The following GPHN variants were observed in gnomAD, a reference collection of about 807,000 sequenced individuals.
GPHN encodes the protein gephyrin.
In GPHN, 17 loss-of-function variants were observed where a neutral mutation model predicts 95.5. The ratio of observed to expected loss-of-function variants is 0.18; its 90% confidence interval spans 0.12 to 0.27. GPHN has a LOEUF of 0.27. Ranked by LOEUF, GPHN falls within the 10% of genes least tolerant of loss-of-function variation. The pLI is 1.00. For missense variants in GPHN, 660 were observed against 978.1 expected (o/e 0.67, Z 4.34); for synonymous variants, 320 against 322.5 (o/e 0.99, Z 0.08).
At chr14:66,963,165 A>G (rs2069072075) in intron 8 of GPHN, among the ~76,000 whole-genome samples, 1 of 151,916 alleles carries the variant, frequency 6.6e-6, no homozygotes, top group South Asian at 2.1e-4. Flanking sequence ...ATATGTCCTA[A>G]CTTTTTCCTG....
chr14:66,848,631 A>G (rs1482838681), intron 4 of GPHN, among the ~76,000 whole-genome samples: 4 of 151,932 alleles, frequency 2.6e-5, no homozygotes, highest in Non-Finnish European at 2.9e-5. Flanking sequence ...TGACCTTTTT[A>G]TTGTGAAATG....
chr14:67,278,209 G>C, the GPHN span, among the ~76,000 whole-genome samples: 1 of 151,998 alleles, frequency 6.6e-6, no homozygotes, highest in East Asian at 1.9e-4. Flanking sequence ...GCTAGTTTTT[G>C]TATTTTTCTT....
intron 11 of GPHN, among the ~76,000 whole-genome samples, chr14:67,072,370 G>A (rs2076344534): frequency 1.3e-5 from 2 of 152,018 alleles, no homozygotes; most frequent in South Asian, 4.1e-4. Context: ...GACAGTAAAG[G>A]ATTTGCCAGT....
intron 4 of GPHN, among the ~76,000 whole-genome samples, chr14:66,825,643 G>A (rs1416683349): frequency 2.0e-5 from 3 of 152,086 alleles, no homozygotes; most frequent in African/African-American, 4.8e-5. Flanking sequence ...TTCACTATAT[G>A]AAAATGCAAT....
At position 67,074,736 on chromosome 14, in the gene GPHN, A is replaced by G. The variant is rs1336898134; in HGVS notation, c.1145-14247A>G. On this transcript the variant is annotated intron_variant, in intron 11 of 22. Coordinates refer to ENST00000478722, the MANE Select transcript of GPHN (RefSeq NM_020806.5). ...GGAAAAGTTCTTTAAGGAAATTAAA[A>G]GTGCAGTAGACCAACATTCCCTTAA... Among the ~76,000 whole-genome samples the G allele has an allele frequency of 2.6e-5, 4 of 152,170 alleles. No homozygotes were observed. In the South Asian group the frequency reaches 8.3e-4, roughly 32 times the overall value.
At chr14:66,651,528 T>G (rs568603514) in intron 1 of GPHN, among the ~76,000 whole-genome samples, 10 of 152,288 alleles carry the variant, frequency 6.6e-5, no homozygotes, top group African/African-American at 2.4e-4. Flanking sequence ...AGGAATGGAT[T>G]TGTGACCCAT....
the GPHN span, among the ~76,000 whole-genome samples, chr14:67,572,641 T>C: frequency 6.6e-6 from 1 of 152,176 alleles, no homozygotes; most frequent in Non-Finnish European, 1.5e-5. Context: ...GTGCTCAGTT[T>C]CCAGGCATTG....
intron 1 of GPHN, among the ~76,000 whole-genome samples, chr14:66,586,305 G>C (rs1264447516): frequency 6.6e-6 from 1 of 151,844 alleles, no homozygotes; most frequent in Non-Finnish European, 1.5e-5. Flanking sequence ...TGGATTTCCT[G>C]AATACAGCAC....
At chr14:67,536,972 G>A in the GPHN span, among the ~76,000 whole-genome samples, 2 of 151,104 alleles carry the variant, frequency 1.3e-5, no homozygotes, top group Non-Finnish European at 2.9e-5. Context: ...CCTGAGAGGC[G>A]GAGGTTGCAG....
At chr14:67,333,366 C>T in the GPHN span, 1 of 154,684 alleles carries the variant, frequency 6.5e-6, no homozygotes, top group Admixed American at 6.4e-5. Context: ...ACTTAAATGA[C>T]TTCATTGGGA....
the GPHN span, chr14:67,390,817 T>TA: frequency 3.7e-6 from 4 of 1,084,638 alleles, no homozygotes; most frequent in Admixed American, 6.7e-5. Context: ...TCTATGCATG[T>TA]AATGCCAAAC....
chr14:67,071,597 C>CAT (rs2076311425), intron 11 of GPHN, among the ~76,000 whole-genome samples: 1 of 151,620 alleles, frequency 6.6e-6, no homozygotes, highest in African/African-American at 2.4e-5. Flanking sequence ...CAAACCTGCA[C>CAT]GTGGTGCACA....
At chr14:67,208,118 G>C in the GPHN span, 1 of 1,548,172 alleles carries the variant, frequency 6.5e-7, no homozygotes, top group East Asian at 2.3e-5. Flanking sequence ...ATGAAATGGT[G>C]CCTGTATTCG....
the GPHN span, chr14:67,348,996 T>C: frequency 6.3e-7 from 1 of 1,582,038 alleles, no homozygotes; most frequent in Non-Finnish European, 8.7e-7. Context: ...AAATGTCACC[T>C]CTTTTCTCCC....
intron 5 of GPHN, among the ~76,000 whole-genome samples, chr14:66,900,897 A>G (rs1200206592): frequency 6.6e-6 from 1 of 152,040 alleles, no homozygotes; most frequent in African/African-American, 2.4e-5. Context: ...TCTTTTGGAT[A>G]TATATCCAGC....
At position 66,832,904 on chromosome 14, in the gene GPHN, C is replaced by T. The variant is rs1433037993; in HGVS notation, c.294+8338C>T. Among the ~76,000 whole-genome samples the T allele has an allele frequency of 7.9e-5, 12 of 152,032 alleles. No individual in the cohort carries two copies. The East Asian group carries it at 2.3e-3, about 29-fold the overall frequency. ...GATTTAGGTTTTGAAAAAGGAAGACCTTAAAGGTAGGAGTAAAGAAGAAGG... is the reference window on the plus strand; with the variant it reads ...GATTTAGGTTTTGAAAAAGGAAGACTTTAAAGGTAGGAGTAAAGAAGAAGG... On this transcript the variant is annotated intron_variant, in intron 4 of 22. Transcript: ENST00000478722.
At chr14:67,460,312 T>G in the GPHN span, among the ~76,000 whole-genome samples, 1 of 152,200 alleles carries the variant, frequency 6.6e-6, no homozygotes, top group Admixed American at 6.5e-5. Flanking sequence ...CATGTGGCCT[T>G]GAACAACCTA....
At chr14:66,945,232 G>T (rs2067678106) in intron 8 of GPHN, among the ~76,000 whole-genome samples, 1 of 152,186 alleles carries the variant, frequency 6.6e-6, no homozygotes, top group South Asian at 2.1e-4. Context: ...ATTCCTGCTA[G>T]CAGGTTTCCC....
chr14:66,850,344 A>G (rs1245372250), intron 4 of GPHN, among the ~76,000 whole-genome samples: 1 of 152,168 alleles, frequency 6.6e-6, no homozygotes, highest in African/African-American at 2.4e-5. Context: ...AATATGAATT[A>G]TATTTGATTA....
Sources: allele counts gnomAD v4.1 joint callset (sites outside exome capture counted in the v4.1 genomes callset), GRCh38; gene constraint gnomAD v4.1.1; transcripts MANE v1.5; gene names NCBI Gene and HGNC (gene_info 2026-07-23, HGNC 2026-07-21).